UPP1: variants seen among roughly 807,000 people sequenced by gnomAD.
UPP1 encodes UPase 1.
In UPP1, 25 loss-of-function variants were observed where a neutral mutation model predicts 29.6. The ratio of observed to expected loss-of-function variants is 0.85; its 90% CI spans 0.62 to 1.18. UPP1 has a LOEUF of 1.18. Ranked by LOEUF, UPP1 falls within the 50% of genes most tolerant of loss-of-function variation. UPP1 has a pLI of 0.00. For missense variants in UPP1, 368 were observed against 410.4 expected, an observed-to-expected ratio of 0.90 and a Z score of 0.89; for synonymous variants, 165 against 159.8, an observed-to-expected ratio of 1.03 and a Z score of -0.25.
chr7:48,100,731 A>G (rs772194874), intron 4 of UPP1, among the ~76,000 whole-genome samples: 1 of 152,216 alleles, frequency 6.6e-6, no homozygotes, highest in Non-Finnish European at 1.5e-5. Context: ...TGTCTTATCA[A>G]TCATCCTGTT....
At chr7:48,102,026 A>G (rs761774093) in intron 5 of UPP1, 44 bp downstream of exon 5, 1 of 1,589,564 alleles carries the variant, frequency 6.3e-7, no homozygotes, top group East Asian at 2.3e-5. Flanking sequence ...AGGCTCTGCA[A>G]CCCCCTGTGC....
chr7:48,093,856 G>T (rs971528235), intron 2 of UPP1, among the ~76,000 whole-genome samples: 1 of 152,078 alleles, frequency 6.6e-6, no homozygotes, highest in African/African-American at 2.4e-5. Flanking sequence ...GAGCATCTGA[G>T]ATTCTAGAAA....
intron 3 of UPP1, among the ~76,000 whole-genome samples, chr7:48,095,782 G>A (rs1218820937): frequency 6.6e-6 from 1 of 152,042 alleles, no homozygotes; most frequent in Non-Finnish European, 1.5e-5. Flanking sequence ...CAGGTAGCTG[G>A]GATTACAGGT....
intron 5 of UPP1, 81 bp from the exon 6 acceptor site, chr7:48,103,216 A>T: frequency 9.6e-7 from 1 of 1,040,802 alleles, no homozygotes; most frequent in South Asian, 1.3e-5. Flanking sequence ...GTTAGATTGA[A>T]TTACATCACA....
intron 2 of UPP1, among the ~76,000 whole-genome samples, chr7:48,093,781 C>G (rs944148822): frequency 6.6e-6 from 1 of 152,144 alleles, no homozygotes; most frequent in Non-Finnish European, 1.5e-5. Flanking sequence ...GGTCCCCTGT[C>G]CCCGCTGCTC....
chr7:48,106,681 G>T (rs1466457097), intron 6 of UPP1, 192 bp from the exon 7 acceptor site: 7 of 588,304 alleles, frequency 1.2e-5, no homozygotes, highest in African/African-American at 5.6e-5. Flanking sequence ...TACTTTCATA[G>T]CTTAAAAAAA....
chr7:48,093,571 C>T (rs1178591445), intron 2 of UPP1, among the ~76,000 whole-genome samples: 5 of 152,204 alleles, frequency 3.3e-5, no homozygotes, highest in African/African-American at 4.8e-5. Context: ...GAGTTCAAAA[C>T]GTGAGTCTCA....
At chr7:48,099,209 A>G (rs1209540478) in intron 3 of UPP1, among the ~76,000 whole-genome samples, 1 of 152,200 alleles carries the variant, frequency 6.6e-6, no homozygotes, top group African/African-American at 2.4e-5. Flanking sequence ...AATTGAAGGT[A>G]TGCAGATTGG....
chr7:48,108,430 T>G lies in UPP1; in HGVS notation c.*73T>G. On this transcript the variant is annotated 3_prime_UTR_variant, in exon 9 of 9. Coordinates refer to ENST00000395564, the MANE Select transcript of UPP1 (RefSeq NM_003364.4). ...AAGCATTGTCCAAAATCCCCTGTTG[T>G]GTGGACTTTGAGCACACTTTACACA... 1 of 1,523,710 alleles carries G rather than the reference T, an allele frequency of 6.6e-7. No individual in the cohort carries two copies. Among genetic ancestry groups the G allele is most frequent in the South Asian group, 1.3e-5 (1 of 78,374 alleles). The allele number at this position is 1,523,710 out of a possible 1,614,324, so 94.4% of individuals were successfully genotyped here. A position where few individuals can be genotyped will look rare whatever the true frequency, so the allele number is the denominator to read the frequency against.
chr7:48,107,301 T>C, intron 7 of UPP1, 60 bp from the exon 8 acceptor site: 1 of 1,563,252 alleles, frequency 6.4e-7, no homozygotes, highest in South Asian at 1.2e-5. Flanking sequence ...TCAGTGGCGC[T>C]GATGTGTTGT....
chr7:48,098,587 G>T (rs1044328805), intron 3 of UPP1, among the ~76,000 whole-genome samples: 2 of 152,032 alleles, frequency 1.3e-5, no homozygotes, highest in Non-Finnish European at 1.5e-5. Flanking sequence ...TGTGAGGGGG[G>T]TGCATCCCTT....
intron 3 of UPP1, among the ~76,000 whole-genome samples, chr7:48,096,898 C>A (rs1340761194): frequency 1.3e-5 from 2 of 152,146 alleles, no homozygotes; most frequent in Non-Finnish European, 2.9e-5. Context: ...CAGGGTTTCA[C>A]TGTGTTGTCC....
intron 7 of UPP1, 36 bp downstream of exon 7, chr7:48,107,118 A>G (rs756858347): frequency 1.2e-6 from 2 of 1,606,256 alleles, no homozygotes; most frequent in Non-Finnish European, 1.7e-6. Flanking sequence ...TCTTTCAGCC[A>G]GGGAACCCTG....
intron 3 of UPP1, among the ~76,000 whole-genome samples, chr7:48,095,406 G>A (rs1360488311): frequency 6.6e-6 from 1 of 152,072 alleles, no homozygotes; most frequent in African/African-American, 2.4e-5. Flanking sequence ...CCTCTCCCCA[G>A]TCTTGGTGGC....
chr7:48,105,192 T>C (rs987614336), intron 6 of UPP1: 6 of 152,502 alleles, frequency 3.9e-5, no homozygotes, highest in Non-Finnish European at 7.3e-5. Flanking sequence ...AGGGGGCCTG[T>C]GCGTCCCAAT....
chr7:48,101,138 C>A (rs971673341), intron 4 of UPP1, among the ~76,000 whole-genome samples: 7 of 152,136 alleles, frequency 4.6e-5, no homozygotes, highest in African/African-American at 1.7e-4. Context: ...GAACGCCTGA[C>A]CTCAGGTGAT....
Position 48,103,944 on chromosome 7 carries a change from G to A in UPP1, c.436+533G>A, listed in dbSNP as rs1379276379. The A allele has an allele frequency of 1.6e-5, 20 of 1,255,910 alleles. No homozygotes were observed. The South Asian group carries it at 2.4e-4, about 15-fold the overall frequency. 77.8% of individuals were successfully genotyped at this position (1,255,910 alleles called of 1,614,324 possible). Reference sequence around the variant, plus strand: ...TTAAAAAACAAAGATGGTTGGCCGGGCGCGGTGGCTCACACCTGTAATCCC... The same window carrying A: ...TTAAAAAACAAAGATGGTTGGCCGGACGCGGTGGCTCACACCTGTAATCCC... On this transcript the variant is annotated intron_variant, in intron 6 of 8. Coordinates refer to ENST00000395564, the MANE Select transcript of UPP1 (RefSeq NM_003364.4).
At chr7:48,104,012 G>T (rs564073833) in intron 6 of UPP1, 1 of 790,062 alleles carries the variant, frequency 1.3e-6, no homozygotes, top group South Asian at 1.8e-5. Context: ...AAGATCGGGA[G>T]ATCGAGACCA....
chr7:48,103,500 A>G, intron 6 of UPP1, 89 bp downstream of exon 6: 1 of 1,166,052 alleles, frequency 8.6e-7, no homozygotes, highest in Admixed American at 1.8e-5. Flanking sequence ...GGCATTAGAG[A>G]CAAAGAGTTC....
Sources: gnomAD v4.1 joint callset for allele counts (sites outside exome capture counted in the v4.1 genomes callset) on GRCh38, gnomAD v4.1.1 for gene constraint, MANE v1.5 for transcripts, NCBI Gene and HGNC (gene_info 2026-07-23, HGNC 2026-07-21) for gene names.